RORA: variants seen among roughly 807,000 people sequenced by gnomAD.
The protein encoded by RORA is nuclear receptor ROR-alpha.
RORA carries 7 observed loss-of-function variants against 69.5 expected under a neutral mutation model. The observed-to-expected ratio is 0.10, with a 90% CI of 0.06 to 0.19. The LOEUF is 0.19. Among genes scored for constraint, RORA ranks in the 10% least tolerant of loss-of-function variants. The probability of loss-of-function intolerance (pLI) is 1.00; values close to 1 mark genes in which losing one functional copy is unlikely to be tolerated. For synonymous variants in RORA, 261 were observed against 240.8 expected (o/e 1.08, Z -0.78); for missense variants, 457 against 663.0 (o/e 0.69, Z 3.41).
chr15:61,171,317 C>T (rs1470612531), intron 1 of RORA, among the ~76,000 whole-genome samples: 1 of 152,102 alleles, frequency 6.6e-6, no homozygotes, highest in African/African-American at 2.4e-5. Flanking sequence ...CAATGAGAGG[C>T]CTAAGTGCTT....
At chr15:60,952,140 G>C (rs57814890) in intron 1 of RORA, among the ~76,000 whole-genome samples, 1 of 150,040 alleles carries the variant, frequency 6.7e-6, no homozygotes, top group Non-Finnish European at 1.5e-5. Context: ...TTCAATATAC[G>C]CAAATCAATA....
chr15:61,044,012 A>T (rs1474137541), intron 1 of RORA, among the ~76,000 whole-genome samples: 1 of 152,170 alleles, frequency 6.6e-6, no homozygotes, highest in African/African-American at 2.4e-5. Flanking sequence ...AGAGCCACAA[A>T]CACGGACCCC....
At chr15:60,985,666 G>T (rs1038689285) in intron 1 of RORA, among the ~76,000 whole-genome samples, 9 of 136,074 alleles carry the variant, frequency 6.6e-5, no homozygotes, top group African/African-American at 2.5e-4. Flanking sequence ...CTCACTGCAA[G>T]CTCTGGCTTC....
chr15:60,599,587 A>G (rs2068769209), intron 2 of RORA, among the ~76,000 whole-genome samples: 1 of 42,316 alleles, frequency 2.4e-5, no homozygotes, highest in Non-Finnish European at 4.0e-5. Flanking sequence ...CAGTTGTAAA[A>G]GTACGAGACA....
At chr15:60,589,664 G>A (rs2068441339) in intron 2 of RORA, among the ~76,000 whole-genome samples, 1 of 152,184 alleles carries the variant, frequency 6.6e-6, no homozygotes, top group Non-Finnish European at 1.5e-5. Context: ...CTCAAATGAA[G>A]ATTTATTACA....
At chr15:61,014,213 T>C (rs536125481) in intron 1 of RORA, among the ~76,000 whole-genome samples, 2 of 152,226 alleles carry the variant, frequency 1.3e-5, no homozygotes, top group African/African-American at 4.8e-5. Flanking sequence ...CGGCCTCAGC[T>C]TCCACATCTA....
At chr15:60,505,195 T>C (rs66517471) in intron 6 of RORA, among the ~76,000 whole-genome samples, 2 of 152,194 alleles carry the variant, frequency 1.3e-5, no homozygotes, top group Non-Finnish European at 2.9e-5. Flanking sequence ...AAAATCTTGA[T>C]TGTGATATTG....
chr15:61,170,167 A>G (rs558568883), intron 1 of RORA, among the ~76,000 whole-genome samples: 27 of 152,354 alleles, frequency 1.8e-4, no homozygotes, highest in African/African-American at 6.5e-4. Context: ...ATCAATTACC[A>G]TAAATGCAGT....
intron 1 of RORA, among the ~76,000 whole-genome samples, chr15:61,185,541 C>T (rs1299051487): frequency 1.3e-5 from 2 of 152,182 alleles, no homozygotes; most frequent in African/African-American, 4.8e-5. Context: ...TTCTGGCCAG[C>T]CACACTGCTA....
intron 1 of RORA, among the ~76,000 whole-genome samples, chr15:61,136,018 G>T (rs1204011813): frequency 6.6e-6 from 1 of 152,190 alleles, no homozygotes; most frequent in Admixed American, 6.5e-5. Flanking sequence ...AAGATGTCCA[G>T]GTGGTATTTG....
At chr15:60,967,174 C>T (rs937576747) in intron 1 of RORA, among the ~76,000 whole-genome samples, 15 of 152,054 alleles carry the variant, frequency 9.9e-5, no homozygotes, top group African/African-American at 3.6e-4. Context: ...TATATAGATA[C>T]TTAAATATTT....
intron 1 of RORA, among the ~76,000 whole-genome samples, chr15:60,974,869 G>A (rs1893832112): frequency 6.6e-6 from 1 of 152,208 alleles, no homozygotes; most frequent in African/African-American, 2.4e-5. Context: ...GATTCAGCCA[G>A]TGAAGAAAGG....
chr15:60,927,463 T>C (rs754685526), intron 1 of RORA, among the ~76,000 whole-genome samples: 1 of 152,196 alleles, frequency 6.6e-6, no homozygotes, highest in Non-Finnish European at 1.5e-5. Flanking sequence ...TACTTCTAAC[T>C]ACAGGGGAAC....
intron 1 of RORA, among the ~76,000 whole-genome samples, chr15:60,862,103 GA>G (rs1488909656): frequency 6.6e-6 from 1 of 152,212 alleles, no homozygotes; most frequent in East Asian, 1.9e-4. Context: ...AGGGTGAGAG[GA>G]AATGGGCACT....
intron 1 of RORA, among the ~76,000 whole-genome samples, chr15:61,134,605 T>C (rs1322214120): frequency 1.3e-5 from 2 of 152,196 alleles, no homozygotes; most frequent in African/African-American, 4.8e-5. Context: ...GGAATAATAA[T>C]ACAAAACTAT....
rs78485687 is a variant in RORA, at chr15:61,074,248, C to T, written c.166+154805G>A. Among the ~76,000 whole-genome samples, 696 of 152,298 alleles carry T rather than the reference C, an allele frequency of 4.6e-3. 1 individual carries two copies. Among genetic ancestry groups the T allele is most frequent in the Middle Eastern group, 0.014 (4 of 294 alleles). On this transcript the variant is annotated intron_variant, in intron 1 of 10. Transcript: ENST00000335670. ...TTAGCTGCAGTGCTGGATATATTTA[C>T]GTTACCCTTTGCAAGCCTAAAAGAA... is the stretch of plus-strand genomic sequence containing the variant.
intron 1 of RORA, among the ~76,000 whole-genome samples, chr15:60,728,185 G>T (rs1187941468): frequency 3.1e-5 from 4 of 129,260 alleles, no homozygotes; most frequent in Non-Finnish European, 7.8e-5. Flanking sequence ...ATAAGAAGAT[G>T]CTTCCTTTTT....
chr15:60,977,942 T>C (rs1489483664), intron 1 of RORA, among the ~76,000 whole-genome samples: 1 of 152,212 alleles, frequency 6.6e-6, no homozygotes, highest in African/African-American at 2.4e-5. Flanking sequence ...AGTTTTCATG[T>C]GGACATATGT....
At chr15:60,633,410 T>C (rs1040446312) in intron 2 of RORA, among the ~76,000 whole-genome samples, 2 of 152,260 alleles carry the variant, frequency 1.3e-5, no homozygotes, top group African/African-American at 4.8e-5. Flanking sequence ...ACTTATAATA[T>C]ATAGAAAACG....
Sources: allele counts gnomAD v4.1 joint callset (sites outside exome capture counted in the v4.1 genomes callset), GRCh38; gene constraint gnomAD v4.1.1; transcripts MANE v1.5; gene names NCBI Gene and HGNC (gene_info 2026-07-23, HGNC 2026-07-21).